The following HMGB1 variants were observed in gnomAD, a reference collection of about 807,000 sequenced individuals.
HMGB1 encodes the protein high mobility group box 1.
For missense variants in HMGB1, 79 were observed against 253.5 expected (o/e 0.31, Z 4.67); for synonymous variants, 81 against 84.0 (o/e 0.96, Z 0.19).
chr13:30,561,828 TAGTGGAATTTACTGAAATGAGAG>T (rs1869965739), intron 1 of HMGB1, among the ~76,000 whole-genome samples: 1 of 152,136 alleles, frequency 6.6e-6, no homozygotes, highest in Admixed American at 6.5e-5. Flanking sequence ...ATCATCAAGA[TAGTGGAATTTACTGAAATGAGAG>T]AGGAAAATCC....
intron 1 of HMGB1, among the ~76,000 whole-genome samples, chr13:30,511,138 G>A (rs1007432689): frequency 6.6e-6 from 1 of 152,072 alleles, no homozygotes; most frequent in African/African-American, 2.4e-5. Flanking sequence ...TACCTGAAAT[G>A]CTGCCAGTAA....
At chr13:30,490,107 T>C (rs1593272222) in intron 1 of HMGB1, among the ~76,000 whole-genome samples, 2 of 151,898 alleles carry the variant, frequency 1.3e-5, no homozygotes, top group East Asian at 3.9e-4. Context: ...CTCCAGATCC[T>C]TTAGCTATCT....
chr13:30,516,447 G>A (rs1010324917), intron 1 of HMGB1, among the ~76,000 whole-genome samples: 1 of 152,064 alleles, frequency 6.6e-6, no homozygotes, highest in Admixed American at 6.6e-5. Context: ...AATGTTCCAA[G>A]GAATTTTCTA....
intron 1 of HMGB1, among the ~76,000 whole-genome samples, chr13:30,579,827 T>C (rs1870825601): frequency 6.6e-6 from 1 of 152,232 alleles, no homozygotes; most frequent in South Asian, 2.1e-4. Context: ...ACATTGATAG[T>C]TGATACTAAC....
Position 30,544,114 on chromosome 13 carries a change from C to T in HMGB1, c.-15+72557G>A, listed in dbSNP as rs116785215. 5.9e-3 allele frequency among the ~76,000 whole-genome samples: 902 copies of T among 152,336 alleles called. 11 individuals are homozygous for T. Among genetic ancestry groups the T allele is most frequent in the African/African-American group, 0.021 (877 of 41,582 alleles). ...GTGACTGCCATGTGGGCAGGTTACC[C>T]ACCCTGGCAGGTCCTAGCGATGTCT... On this transcript the variant is annotated intron_variant, in intron 1 of 4. Transcript: ENST00000405805.
At chr13:30,576,736 C>T (rs940930498) in intron 1 of HMGB1, among the ~76,000 whole-genome samples, 9 of 151,916 alleles carry the variant, frequency 5.9e-5, no homozygotes, top group African/African-American at 1.9e-4. Flanking sequence ...ACTACAGTAA[C>T]CTCAACCGAA....
intron 1 of HMGB1, among the ~76,000 whole-genome samples, chr13:30,538,536 C>CTTTCCTTT (rs1555238790): frequency 6.0e-4 from 63 of 105,358 alleles, no homozygotes; most frequent in African/African-American, 2.8e-3. Flanking sequence ...TTCTTTCTTT[C>CTTTCCTTT]CTTTCTTTCT....
intron 1 of HMGB1, among the ~76,000 whole-genome samples, chr13:30,613,166 A>G (rs1408169): frequency 0.093 from 14,159 of 151,912 alleles, 635 homozygotes; most frequent in Middle Eastern, 0.13. Context: ...TGCAGTCTCT[A>G]CCTCCCAGGA....
intron 1 of HMGB1, among the ~76,000 whole-genome samples, chr13:30,549,819 C>A (rs1200218538): frequency 6.6e-6 from 1 of 151,968 alleles, no homozygotes; most frequent in Non-Finnish European, 1.5e-5. Context: ...CGGGTTCAAG[C>A]AATTCTCCTG....
At chr13:30,549,033 C>T (rs544314001) in intron 1 of HMGB1, among the ~76,000 whole-genome samples, 24 of 152,244 alleles carry the variant, frequency 1.6e-4, no homozygotes, top group African/African-American at 5.1e-4. Context: ...TGCAATGGCT[C>T]ACACCTGTAA....
intron 1 of HMGB1, among the ~76,000 whole-genome samples, chr13:30,580,792 T>C: frequency 6.6e-6 from 1 of 152,240 alleles, no homozygotes; most frequent in East Asian, 1.9e-4. Context: ...AGAGCAAAGA[T>C]AAGCCTTTCT....
intron 1 of HMGB1, among the ~76,000 whole-genome samples, chr13:30,535,862 C>A (rs747416820): frequency 2.6e-5 from 4 of 152,104 alleles, no homozygotes; most frequent in Non-Finnish European, 5.9e-5. Context: ...TGCACTCCAG[C>A]CTGGTGACAA....
chr13:30,463,406 C>A, intron 2 of HMGB1, 54 bp from the exon 3 acceptor site: 1 of 1,549,876 alleles, frequency 6.5e-7, no homozygotes. Flanking sequence ...AAATTATCCT[C>A]AAAACCAATG....
At chr13:30,501,416 C>T (rs1227174439) in intron 1 of HMGB1, among the ~76,000 whole-genome samples, 4 of 152,092 alleles carry the variant, frequency 2.6e-5, no homozygotes, top group African/African-American at 7.2e-5. Context: ...AGTGGCTGGC[C>T]TTCACTGTAA....
At chr13:30,585,163 A>G (rs78923780) in intron 1 of HMGB1, among the ~76,000 whole-genome samples, 3 of 151,130 alleles carry the variant, frequency 2.0e-5, no homozygotes, top group Non-Finnish European at 4.4e-5. Context: ...AAAAAAAAAA[A>G]TTAGCCAGGC....
chr13:30,519,285 C>T (rs1245631802), intron 1 of HMGB1, among the ~76,000 whole-genome samples: 15 of 150,716 alleles, frequency 1.0e-4, no homozygotes, highest in African/African-American at 3.4e-4. Flanking sequence ...CCCAGCTACT[C>T]GGGAGGCTGA....
rs1213568218 is a variant in HMGB1 at position 30,463,877 on chromosome 13, CA to C, written c.-14-184del. On this transcript the variant is annotated intron_variant, in intron 1 of 4. Coordinates refer to ENST00000341423, the MANE Select transcript of HMGB1 (RefSeq NM_002128.7). ...AATTCCTTGAAGGGGCTATGCCAAG[CA>C]AACAAAACAAAACAAAAACAGTCCT... The C allele has an allele frequency of 1.5e-5, 8 of 530,038 alleles. No individual in the cohort carries two copies. In the African/African-American group the frequency reaches 1.6e-4, roughly 10 times the overall value. 32.8% of individuals were successfully genotyped at this position (530,038 alleles called of 1,614,324 possible).
At chr13:30,520,053 G>T (rs1268814817) in intron 1 of HMGB1, among the ~76,000 whole-genome samples, 2 of 152,234 alleles carry the variant, frequency 1.3e-5, no homozygotes, top group Non-Finnish European at 2.9e-5. Flanking sequence ...CAGGCACAGT[G>T]GCTCATGCCC....
intron 1 of HMGB1, among the ~76,000 whole-genome samples, chr13:30,471,235 G>T (rs1886919056): frequency 6.6e-6 from 1 of 152,176 alleles, no homozygotes; most frequent in Non-Finnish European, 1.5e-5. Flanking sequence ...CTCCCAAAGT[G>T]CTGGAATTAC....
Sources: gnomAD v4.1 joint callset for allele counts (sites outside exome capture counted in the v4.1 genomes callset) on GRCh38, gnomAD v4.1.1 for gene constraint, MANE v1.5 for transcripts, NCBI Gene and HGNC (gene_info 2026-07-23, HGNC 2026-07-21) for gene names.